The following PTPRG variants were observed in gnomAD, a reference collection of about 807,000 sequenced individuals.
PTPRG encodes the protein protein tyrosine phosphatase receptor type G, also known as receptor-type tyrosine-protein phosphatase gamma.
A neutral mutation model predicts 165.3 loss-of-function variants in PTPRG; 102 were observed. The observed-to-expected ratio is 0.62, with a 90% CI of 0.53 to 0.73. The LOEUF (loss-of-function observed/expected upper bound fraction) is 0.73. Among genes scored for constraint, PTPRG ranks in the 30% least tolerant of loss-of-function variants. The pLI is 0.00. For synonymous variants in PTPRG, 675 were observed against 669.5 expected (o/e 1.01, Z -0.13); for missense variants, 1,866 against 1,861.4 (o/e 1.00, Z -0.05).
At chr3:61,940,627 T>C (rs2039597317) in intron 2 of PTPRG, among the ~76,000 whole-genome samples, 1 of 152,100 alleles carries the variant, frequency 6.6e-6, no homozygotes, top group African/African-American at 2.4e-5. Flanking sequence ...TTTTTATTGA[T>C]TTCTATGGAT....
chr3:62,126,868 C>T (rs1703310809), intron 5 of PTPRG, among the ~76,000 whole-genome samples: 3 of 152,210 alleles, frequency 2.0e-5, no homozygotes, highest in Non-Finnish European at 4.4e-5. Flanking sequence ...TGGGATGCCA[C>T]ATGTGCCAAC....
At chr3:61,733,089 G>A (rs1453312893) in intron 1 of PTPRG, among the ~76,000 whole-genome samples, 2 of 152,186 alleles carry the variant, frequency 1.3e-5, no homozygotes, top group Admixed American at 1.3e-4. Context: ...TTTCTTGTGG[G>A]ACACAGGGTT....
intron 2 of PTPRG, among the ~76,000 whole-genome samples, chr3:61,943,785 G>A (rs991227712): frequency 6.6e-6 from 1 of 152,070 alleles, no homozygotes; most frequent in African/African-American, 2.4e-5. Context: ...CTTTGAAAAA[G>A]CATGAATGAA....
chr3:61,626,958 A>G (rs1026279218), intron 1 of PTPRG, among the ~76,000 whole-genome samples: 4 of 152,230 alleles, frequency 2.6e-5, no homozygotes, highest in African/African-American at 9.6e-5. Context: ...ATTCTACACT[A>G]CAAATGATCC....
chr3:62,252,455 A>G lies in PTPRG; in HGVS notation c.2468-2669A>G, dbSNP rs1287104239. On this transcript the variant is annotated intron_variant, in intron 15 of 29. Transcript: ENST00000474889. This position sits in a 1 kb window ranked among gnomAD's most constrained non-coding sequence, Gnocchi z 4.6. ...TCTTGGAGTACATGTTAATACATATAAAGTACACAGAAAGTGCCTGGCCTA... is the reference window on the plus strand; with the variant it reads ...TCTTGGAGTACATGTTAATACATATGAAGTACACAGAAAGTGCCTGGCCTA... 1.3e-5 allele frequency among the ~76,000 whole-genome samples: 2 copies of G among 152,206 alleles called. No individual in the cohort carries two copies. Among genetic ancestry groups the G allele is most frequent in the Admixed American group, 6.5e-5 (1 of 15,278 alleles).
chr3:61,833,063 T>C (rs558390385), intron 2 of PTPRG, among the ~76,000 whole-genome samples: 1 of 106,636 alleles, frequency 9.4e-6, no homozygotes, highest in Non-Finnish European at 1.8e-5. Flanking sequence ...TGAGTAGTAT[T>C]CCATTGTGTG....
intron 2 of PTPRG, among the ~76,000 whole-genome samples, chr3:61,859,252 T>A (rs936987546): frequency 1.1e-4 from 16 of 152,208 alleles, no homozygotes; most frequent in Non-Finnish European, 1.9e-4. Context: ...ACAAACCTAT[T>A]ATATGTTAGA....
chr3:62,267,942 C>T (rs1289235075), intron 19 of PTPRG, 123 bp downstream of exon 19: 6 of 1,133,824 alleles, frequency 5.3e-6, no homozygotes, highest in Non-Finnish European at 7.5e-6. Context: ...AAAGTGTTCT[C>T]TCTGCTTTAT....
intron 4 of PTPRG, among the ~76,000 whole-genome samples, chr3:62,054,132 G>C (rs944354141): frequency 3.3e-5 from 5 of 151,964 alleles, no homozygotes; most frequent in African/African-American, 1.2e-4. Context: ...GTCTATTTGT[G>C]ACCAACAATG....
At chr3:61,811,173 T>C (rs2035563052) in intron 2 of PTPRG, among the ~76,000 whole-genome samples, 1 of 152,178 alleles carries the variant, frequency 6.6e-6, no homozygotes, top group Middle Eastern at 3.2e-3. Context: ...TGCTCTTTGG[T>C]CAGTGGAATG....
intron 16 of PTPRG, among the ~76,000 whole-genome samples, chr3:62,259,908 G>T (rs1391890236): frequency 6.6e-6 from 1 of 152,182 alleles, no homozygotes; most frequent in African/African-American, 2.4e-5. Flanking sequence ...GGATTGGGAA[G>T]GGTGGGGAAG....
In PTPRG at chr3:62,203,322, G is replaced by C; in HGVS notation, c.1527G>C (p.Ser509=). 2 of 1,613,946 alleles carry C rather than the reference G, an allele frequency of 1.2e-6. No homozygotes were observed. Among genetic ancestry groups the C allele is most frequent in the Non-Finnish European group, 1.7e-6 (2 of 1,180,016 alleles). The change falls in exon 12 of 30, where the codon TCG becomes TCC. Residue 509 remains serine, a synonymous_variant. Coordinates refer to ENST00000474889, the MANE Select transcript of PTPRG (RefSeq NM_002841.4). The surrounding 1 kb of genome is among the most constrained non-coding windows in gnomAD (Gnocchi z 6.4). ...SSSGSQATVA[S]VVTSTLLAGL... Reference sequence around the variant, plus strand: ...GTGGCAGCCAGGCCACAGTGGCCTCGGTGGTCACCAGCACGCTGCTCGCCG... The same window carrying C: ...GTGGCAGCCAGGCCACAGTGGCCTCCGTGGTCACCAGCACGCTGCTCGCCG...
chr3:61,916,406 C>T (rs1390338996), intron 2 of PTPRG, among the ~76,000 whole-genome samples: 1 of 151,818 alleles, frequency 6.6e-6, no homozygotes, highest in African/African-American at 2.4e-5. Context: ...TAGATGGCAC[C>T]AAAGAGACTA....
chr3:62,041,474 T>C (rs1017218490), intron 4 of PTPRG, among the ~76,000 whole-genome samples: 1 of 152,204 alleles, frequency 6.6e-6, no homozygotes, highest in Non-Finnish European at 1.5e-5. Flanking sequence ...GGATTGAGCA[T>C]GTCCTTGAAT....
At chr3:61,741,280 C>T (rs1315675558) in intron 1 of PTPRG, among the ~76,000 whole-genome samples, 1 of 152,142 alleles carries the variant, frequency 6.6e-6, no homozygotes, top group Non-Finnish European at 1.5e-5. Flanking sequence ...TGGATATCTT[C>T]GTTCTAGATT....
At chr3:61,851,882 G>C (rs2036974282) in intron 2 of PTPRG, among the ~76,000 whole-genome samples, 1 of 152,104 alleles carries the variant, frequency 6.6e-6, no homozygotes, top group African/African-American at 2.4e-5. Flanking sequence ...ATGTTAAACA[G>C]CCATTTTAAA....
At chr3:62,209,666 A>G (rs2106858901) in intron 12 of PTPRG, among the ~76,000 whole-genome samples, 1 of 152,312 alleles carries the variant, frequency 6.6e-6, no homozygotes, top group East Asian at 1.9e-4. Context: ...CTGGTCTGTC[A>G]TCTTCCTGGC....
chr3:61,870,273 T>A (rs1463481213), intron 2 of PTPRG, among the ~76,000 whole-genome samples: 1 of 152,014 alleles, frequency 6.6e-6, no homozygotes, highest in Non-Finnish European at 1.5e-5. Context: ...CATAACATAC[T>A]TTCCTGATGC....
Position 62,201,360 on chromosome 3 carries a change from A to G in PTPRG, c.1328-145A>G, listed in dbSNP as rs528663339. The G allele has an allele frequency of 1.9e-5, 13 of 674,028 alleles. No homozygotes were observed. In the Admixed American group the frequency reaches 3.8e-4, roughly 20 times the overall value. 41.8% of individuals were successfully genotyped at this position (674,028 alleles called of 1,614,324 possible). On this transcript the variant is annotated intron_variant, in intron 10 of 29. Transcript: ENST00000474889. ...ACTCGTAAGCCAAGAAGGGCTTTAT[A>G]TTTTTAAATGGTTGGAAAAAATCTA... is the stretch of plus-strand genomic sequence containing the variant.
Sources: allele counts gnomAD v4.1 joint callset (sites outside exome capture counted in the v4.1 genomes callset), GRCh38; gene constraint gnomAD v4.1.1; non-coding constraint Gnocchi (gnomAD v3.1); transcripts MANE v1.5; gene names NCBI Gene and HGNC (gene_info 2026-07-23, HGNC 2026-07-21).